PABPC4L: variants seen among roughly 807,000 people sequenced by gnomAD.
The protein encoded by PABPC4L is polyadenylate-binding protein 4-like.
For synonymous variants in PABPC4L, 169 were observed against 164.1 expected (o/e 1.03, Z -0.23); for missense variants, 452 against 451.4 (o/e 1.00, Z -0.01).
At chr4:134,156,009 T>G in the PABPC4L span, among the ~76,000 whole-genome samples, 1 of 152,124 alleles carries the variant, frequency 6.6e-6, no homozygotes, top group East Asian at 1.9e-4. Flanking sequence ...TTTAGATTAA[T>G]AGTACATTTC....
chr4:133,954,868 C>A, the PABPC4L span, among the ~76,000 whole-genome samples: 1 of 151,914 alleles, frequency 6.6e-6, no homozygotes, highest in Non-Finnish European at 1.5e-5. Flanking sequence ...TGATATTGTT[C>A]CCCCACAGGA....
the PABPC4L span, among the ~76,000 whole-genome samples, chr4:134,161,929 A>G: frequency 1.3e-5 from 2 of 152,130 alleles, no homozygotes; most frequent in African/African-American, 4.8e-5. Context: ...GGATGAAGTT[A>G]TAGAGCTTTT....
At chr4:133,962,315 C>T in the PABPC4L span, among the ~76,000 whole-genome samples, 1 of 152,112 alleles carries the variant, frequency 6.6e-6, no homozygotes, top group Non-Finnish European at 1.5e-5. Flanking sequence ...AATTCAGGAG[C>T]TTAGTTATTA....
chr4:134,002,799 CA>C, the PABPC4L span, among the ~76,000 whole-genome samples: 3 of 151,860 alleles, frequency 2.0e-5, no homozygotes, highest in African/African-American at 7.2e-5. Context: ...TGATACCTTG[CA>C]AAATGTGGAG....
the PABPC4L span, among the ~76,000 whole-genome samples, chr4:134,033,490 A>T: frequency 9.2e-5 from 14 of 151,982 alleles, 1 homozygote; most frequent in Non-Finnish European, 1.9e-4. Context: ...TAAAAAGCCA[A>T]GGCAGACCAA....
At position 134,198,189 on chromosome 4, in the gene PABPC4L, G is replaced by C. The variant is rs1167962460; in HGVS notation, c.*1718C>G. On this transcript the variant is annotated 3_prime_UTR_variant, in exon 2 of 2. Coordinates refer to ENST00000421491, the MANE Select transcript of PABPC4L (RefSeq NM_001114734.2). ...TGACCATAGCATATTGTTTAAGAAA[G>C]CAATTTCAAACAACATTTGTAATAT... 6.6e-6 allele frequency: 1 copy of C among 151,368 alleles called. No homozygotes were observed. The highest frequency in any genetic ancestry group is 1.5e-5 in the Non-Finnish European group (1 of 67,592). The allele number at this position is 151,368 out of a possible 1,614,324, so 9.4% of individuals were successfully genotyped here. A position where few individuals can be genotyped will look rare whatever the true frequency, so the allele number is the denominator to read the frequency against.
the PABPC4L span, among the ~76,000 whole-genome samples, chr4:134,107,811 T>C: frequency 6.6e-6 from 1 of 151,654 alleles, no homozygotes; most frequent in Non-Finnish European, 1.5e-5. Flanking sequence ...GATTTGTTAC[T>C]TCAGCTTGTT....
the PABPC4L span, among the ~76,000 whole-genome samples, chr4:134,074,021 C>G: frequency 6.6e-6 from 1 of 152,276 alleles, no homozygotes; most frequent in Non-Finnish European, 1.5e-5. Flanking sequence ...GACATTTTCT[C>G]TGTTGTCTTG....
chr4:134,023,844 CATGAAT>C, the PABPC4L span, among the ~76,000 whole-genome samples: 1 of 152,086 alleles, frequency 6.6e-6, no homozygotes, highest in South Asian at 2.1e-4. Flanking sequence ...TATGTGAATA[CATGAAT>C]ATGATTTTTC....
At chr4:134,139,219 T>C in the PABPC4L span, among the ~76,000 whole-genome samples, 43 of 152,048 alleles carry the variant, frequency 2.8e-4, 1 homozygote, top group African/African-American at 9.6e-4. Flanking sequence ...AACCTTGAAG[T>C]GATATGTATT....
At chr4:133,974,805 G>A in the PABPC4L span, among the ~76,000 whole-genome samples, 3 of 151,946 alleles carry the variant, frequency 2.0e-5, no homozygotes, top group Admixed American at 6.6e-5. Context: ...GATACCACTC[G>A]ACACCTACTA....
the PABPC4L span, among the ~76,000 whole-genome samples, chr4:134,100,809 A>G: frequency 2.6e-5 from 4 of 151,688 alleles, no homozygotes; most frequent in East Asian, 7.8e-4. Flanking sequence ...TCCCTTTGCA[A>G]TTTTAGAAAA....
the PABPC4L span, among the ~76,000 whole-genome samples, chr4:133,958,496 G>T: frequency 6.6e-6 from 1 of 151,988 alleles, no homozygotes; most frequent in African/African-American, 2.4e-5. Flanking sequence ...ACATTTTGGG[G>T]TATCTTTATA....
chr4:133,999,809 A>G, the PABPC4L span, among the ~76,000 whole-genome samples: 3 of 152,032 alleles, frequency 2.0e-5, no homozygotes, highest in Non-Finnish European at 4.4e-5. Flanking sequence ...GTTGAGGGAA[A>G]TTAGTTATAT....
the PABPC4L span, among the ~76,000 whole-genome samples, chr4:134,041,909 C>T: frequency 6.6e-6 from 1 of 152,082 alleles, no homozygotes; most frequent in Non-Finnish European, 1.5e-5. Context: ...TTTGATCCAG[C>T]AATCCCACTA....
the PABPC4L span, among the ~76,000 whole-genome samples, chr4:134,184,533 TATTC>T: frequency 6.6e-6 from 1 of 152,044 alleles, no homozygotes; most frequent in Non-Finnish European, 1.5e-5. Flanking sequence ...CACTTCATAA[TATTC>T]ATTTAAGATT....
chr4:134,148,395 A>G, the PABPC4L span, among the ~76,000 whole-genome samples: 1 of 152,140 alleles, frequency 6.6e-6, no homozygotes, highest in Non-Finnish European at 1.5e-5. Flanking sequence ...TTACAGGATG[A>G]TGGAGAGTAG....
the PABPC4L span, among the ~76,000 whole-genome samples, chr4:133,958,296 A>T: frequency 6.6e-6 from 1 of 152,200 alleles, no homozygotes; most frequent in East Asian, 1.9e-4. Flanking sequence ...CCAGTTTCCA[A>T]GAAGTTCCTC....
chr4:134,026,646 G>A, the PABPC4L span, among the ~76,000 whole-genome samples: 54,213 of 151,818 alleles, frequency 0.36, 11,892 homozygotes, highest in East Asian at 0.92. Flanking sequence ...ATATATTGAC[G>A]TCGTAACCCC....
Sources: allele counts gnomAD v4.1 joint callset (sites outside exome capture counted in the v4.1 genomes callset), GRCh38; gene constraint gnomAD v4.1.1; transcripts MANE v1.5; gene names NCBI Gene and HGNC (gene_info 2026-07-23, HGNC 2026-07-21).